Variants in SEMA3A observed in about 807,000 individuals in gnomAD.
SEMA3A encodes semaphorin-3A.
Under a neutral mutation model 97.9 loss-of-function variants are expected in SEMA3A, and 29 were observed. The ratio of observed to expected loss-of-function variants is 0.30; its 90% CI spans 0.22 to 0.40. The LOEUF (loss-of-function observed/expected upper bound fraction) is 0.40. Among genes scored for constraint, SEMA3A ranks in the 10% least tolerant of loss-of-function variants. The pLI is 1.00. For synonymous variants in SEMA3A, 321 were observed against 323.7 expected (o/e 0.99, Z 0.09); for missense variants, 763 against 951.3 (o/e 0.80, Z 2.60).
chr7:84,101,047 T>TA (rs1471887093), intron 4 of SEMA3A, among the ~76,000 whole-genome samples: 3 of 152,180 alleles, frequency 2.0e-5, no homozygotes, highest in Non-Finnish European at 4.4e-5. Context: ...AACACAAGGA[T>TA]ACAGCTGACT....
chr7:84,376,473 G>A (rs192953308), intron 1 of SEMA3A, among the ~76,000 whole-genome samples: 2,140 of 141,902 alleles, frequency 0.015, 216 homozygotes, highest in African/African-American at 0.052. Context: ...GCGTGGTGGC[G>A]GGCGCCTGTA....
intron 4 of SEMA3A, among the ~76,000 whole-genome samples, chr7:84,078,072 A>G (rs1794014200): frequency 6.6e-6 from 1 of 152,086 alleles, no homozygotes; most frequent in South Asian, 2.1e-4. Context: ...AAAATGCATT[A>G]AAATATTAGG....
intron 1 of SEMA3A, among the ~76,000 whole-genome samples, chr7:84,388,532 TA>T (rs1168981206): frequency 6.6e-6 from 1 of 152,050 alleles, no homozygotes; most frequent in Non-Finnish European, 1.5e-5. Context: ...TTGACTTGCA[TA>T]TACTTTCTAT....
intron 3 of SEMA3A, among the ~76,000 whole-genome samples, chr7:84,232,403 G>A (rs190794165): frequency 1.1e-3 from 159 of 150,512 alleles, no homozygotes; most frequent in Middle Eastern, 3.4e-3. Flanking sequence ...TTTAATATAT[G>A]TCTGTGATAG....
At chr7:84,283,012 TA>T (rs958216185) in intron 3 of SEMA3A, among the ~76,000 whole-genome samples, 16 of 148,798 alleles carry the variant, frequency 1.1e-4, no homozygotes, top group African/African-American at 2.4e-4. Context: ...AGACTCCATC[TA>T]AAAAAAAAGC....
intron 2 of SEMA3A, among the ~76,000 whole-genome samples, chr7:84,325,130 TC>T: frequency 2.3e-5 from 2 of 88,048 alleles, no homozygotes; most frequent in South Asian, 7.8e-4. Context: ...TATCTATCTA[TC>T]TATCTATCTA....
intron 12 of SEMA3A, among the ~76,000 whole-genome samples, chr7:84,001,484 T>A (rs1188332752): frequency 1.3e-5 from 2 of 152,138 alleles, no homozygotes; most frequent in Non-Finnish European, 2.9e-5. Flanking sequence ...TTTTTTTTGC[T>A]AACAAATGAT....
intron 1 of SEMA3A, among the ~76,000 whole-genome samples, chr7:84,403,401 G>T (rs1278357267): frequency 6.6e-6 from 1 of 152,204 alleles, no homozygotes; most frequent in East Asian, 1.9e-4. Flanking sequence ...CGGCTGGGAA[G>T]CTTGAACTGG....
chr7:84,336,978 T>A (rs1802051615), intron 2 of SEMA3A, among the ~76,000 whole-genome samples: 1 of 152,148 alleles, frequency 6.6e-6, no homozygotes, highest in South Asian at 2.1e-4. Context: ...TTATTTTTGC[T>A]GCAGAACTAG....
intron 1 of SEMA3A, among the ~76,000 whole-genome samples, chr7:84,135,735 T>C (rs1318258670): frequency 2.6e-5 from 4 of 152,204 alleles, no homozygotes; most frequent in African/African-American, 4.8e-5. Flanking sequence ...AATATTTTAA[T>C]ATGTCTTTTT....
intron 6 of SEMA3A, among the ~76,000 whole-genome samples, chr7:84,028,919 A>G (rs1428782428): frequency 2.0e-5 from 3 of 152,052 alleles, no homozygotes; most frequent in African/African-American, 4.8e-5. Context: ...GTGCCTGACC[A>G]TAAGGTTTAT....
chr7:84,308,590 C>T (rs756698072), intron 2 of SEMA3A, among the ~76,000 whole-genome samples: 37 of 152,184 alleles, frequency 2.4e-4, no homozygotes, highest in Non-Finnish European at 4.6e-4. Context: ...CAGTGAGCTA[C>T]AGCTAAAATC....
intron 3 of SEMA3A, among the ~76,000 whole-genome samples, chr7:84,253,418 C>T (rs1799652445): frequency 6.6e-6 from 1 of 151,280 alleles, no homozygotes; most frequent in South Asian, 2.1e-4. Context: ...ATTAAGTGGC[C>T]CAGTTACTTG....
chr7:84,412,024 C>T (rs757679156), intron 1 of SEMA3A, among the ~76,000 whole-genome samples: 2 of 152,040 alleles, frequency 1.3e-5, no homozygotes, highest in Non-Finnish European at 2.9e-5. Flanking sequence ...GCTTTCTTTC[C>T]TAAGACACCT....
chr7:83,961,290 G>A lies in SEMA3A; in HGVS notation c.*81C>T, dbSNP rs1584479720. On this transcript the variant is annotated 3_prime_UTR_variant, in exon 17 of 17. Transcript: ENST00000265362. ...ACATCCACATAATGCCATGAAAAAA[G>A]TTCATGTATATTGCATTTGTTTTTC... 9.0e-7 allele frequency: 1 copy of A among 1,111,216 alleles called. No homozygotes were observed. The highest frequency in any genetic ancestry group is 1.4e-6 in the Non-Finnish European group (1 of 736,320). 68.8% of individuals were successfully genotyped at this position (1,111,216 alleles called of 1,614,324 possible).
At chr7:84,246,573 T>G (rs1799481773) in intron 3 of SEMA3A, among the ~76,000 whole-genome samples, 1 of 152,094 alleles carries the variant, frequency 6.6e-6, no homozygotes, top group Non-Finnish European at 1.5e-5. Context: ...TACATGTATA[T>G]TATATATCCA....
intron 2 of SEMA3A, among the ~76,000 whole-genome samples, chr7:84,363,701 T>G (rs1046476786): frequency 6.6e-6 from 1 of 151,896 alleles, no homozygotes; most frequent in Non-Finnish European, 1.5e-5. Context: ...TCCTCTTCTA[T>G]AGCAGCTGTG....
intron 1 of SEMA3A, among the ~76,000 whole-genome samples, chr7:84,179,377 C>A (rs1584089592): frequency 6.6e-6 from 1 of 152,316 alleles, no homozygotes; most frequent in African/African-American, 2.4e-5. Flanking sequence ...ATTAATGCCT[C>A]AAGTCTCCAG....
chr7:84,255,754 T>C (rs1478041633), intron 3 of SEMA3A, among the ~76,000 whole-genome samples: 1 of 151,932 alleles, frequency 6.6e-6, no homozygotes, highest in African/African-American at 2.4e-5. Context: ...TTAGTAGGCA[T>C]ACCAAAATCA....
Sources: allele counts gnomAD v4.1 joint callset (sites outside exome capture counted in the v4.1 genomes callset), GRCh38; gene constraint gnomAD v4.1.1; transcripts MANE v1.5; gene names NCBI Gene and HGNC (gene_info 2026-07-23, HGNC 2026-07-21).